IRGQ: variants seen among roughly 807,000 people sequenced by gnomAD.
IRGQ encodes immunity-related GTPase family Q protein.
IRGQ carries 5 observed loss-of-function variants against 10.5 expected under a neutral mutation model. The observed-to-expected ratio is 0.48, with a 90% CI of 0.25 to 1.00. IRGQ has a LOEUF of 1.00. Ranked by LOEUF, IRGQ falls within the 50% of genes least tolerant of loss-of-function variation. The pLI is 0.16. For missense variants in IRGQ, 792 were observed against 877.7 expected, an observed-to-expected ratio of 0.90 and a Z score of 1.23; for synonymous variants, 418 against 426.0, an observed-to-expected ratio of 0.98 and a Z score of 0.23.
intron 2 of IRGQ, among the ~76,000 whole-genome samples, chr19:43,594,412 G>T (rs1012927657): frequency 6.6e-6 from 1 of 152,186 alleles, no homozygotes; most frequent in African/African-American, 2.4e-5. Flanking sequence ...ATGCTGTTTT[G>T]CAGCCTGTAG....
intron 2 of IRGQ, among the ~76,000 whole-genome samples, chr19:43,594,363 G>A (rs1346540396): frequency 1.3e-5 from 2 of 152,252 alleles, no homozygotes; most frequent in Non-Finnish European, 2.9e-5. Flanking sequence ...GGCATGGCTT[G>A]AGGCCAAGAG....
rs1175360652 is a variant in IRGQ, at chr19:43,588,025, A to G, written c.*4001T>C. On this transcript the variant is annotated 3_prime_UTR_variant, in exon 3 of 3. Transcript: ENST00000422989. ...TTCCTTTTACTTGTCTAATGTGGCT[A>G]TTAGAAAACTTGGCTTACTCAGCAC... 1 of 152,124 alleles carries G rather than the reference A, an allele frequency of 6.6e-6. No homozygotes were observed. The highest frequency in any genetic ancestry group is 1.9e-4 in the East Asian group (1 of 5,176). 9.4% of individuals were successfully genotyped at this position (152,124 alleles called of 1,614,324 possible). A position where few individuals can be genotyped will look rare whatever the true frequency, so the allele number is the denominator to read the frequency against.
chr19:43,593,000 G>A lies in IRGQ; in HGVS notation c.898C>T (p.Leu300Phe), dbSNP rs1213348196. Residue 300 changes from leucine to phenylalanine, a missense_variant, in exon 3 of 3, where the codon CTC (leucine) becomes TTC (phenylalanine). Transcript: ENST00000422989. ...AASHPTHYDA[L>F]ILVTPGAPTE... ...GGGGCCCCAGGGGTGACGAGGATGA[G>A]GGCGTCGTAGTGCGTTGGGTGAGAG... The A allele has an allele frequency of 1.2e-6, 2 of 1,608,154 alleles. No homozygotes were observed. The highest frequency in any genetic ancestry group is 1.7e-6 in the Non-Finnish European group (2 of 1,178,860).
At position 43,592,238 on chromosome 19, in the gene IRGQ, C is replaced by G; in HGVS notation, c.1660G>C (p.Ala554Pro). 1.3e-6 allele frequency: 2 copies of G among 1,580,348 alleles called. No homozygotes were observed. The highest frequency in any genetic ancestry group is 8.5e-7 in the Non-Finnish European group (1 of 1,170,898). Residue 554 changes from alanine to proline, a missense_variant, in exon 3 of 3, where the codon GCC (alanine) becomes CCC (proline). Ala to Pro is a conservative substitution (Grantham distance 27). Transcript: ENST00000422989. ...GCGCCCAGTCTTGCTTCCACCTCGG[C>G]GCGCGTCACCGGGCCTGGGAAATGA... ...RAHFPGPVTR[A>P]EVEARLGAWA...
rs1973030586 is a variant in IRGQ, at chr19:43,589,429, A to G, written c.*2597T>C. On this transcript the variant is annotated 3_prime_UTR_variant, in exon 3 of 3. Coordinates refer to ENST00000422989, the MANE Select transcript of IRGQ (RefSeq NM_001007561.3). ...GCTACAAAGCAAGACCCCCGTCTCT[A>G]CAGAAAATTTGGTGCTGTGTACCTA... is the stretch of plus-strand genomic sequence containing the variant. The G allele has an allele frequency of 6.6e-6, 1 of 152,158 alleles. No individual in the cohort carries two copies. The highest frequency in any genetic ancestry group is 6.6e-5 in the Admixed American group (1 of 15,264). 9.4% of individuals were successfully genotyped at this position (152,158 alleles called of 1,614,324 possible).
At position 43,591,855 on chromosome 19, in the gene IRGQ, G is replaced by GAAA. The variant is rs10682090; in HGVS notation, c.*168_*170dup. On this transcript the variant is annotated 3_prime_UTR_variant, in exon 3 of 3. Coordinates refer to ENST00000422989, the MANE Select transcript of IRGQ (RefSeq NM_001007561.3). ...AAGAGACTTCGTCTCACAAAAAAAA[G>GAAA]AAAAAAAAAAAAAAAAATCAGGATT... The GAAA allele has an allele frequency of 0.052, 24,052 of 466,676 alleles. 48 individuals are homozygous for GAAA. The highest frequency in any genetic ancestry group is 0.07 in the Middle Eastern group (113 of 1,618). The allele number at this position is 466,676 out of a possible 1,614,324, so 28.9% of individuals were successfully genotyped here. A position where few individuals can be genotyped will look rare whatever the true frequency, so the allele number is the denominator to read the frequency against.
In IRGQ at chr19:43,593,189, G is replaced by A. The variant is rs113476402; in HGVS notation, c.709C>T (p.Leu237Phe). ...LAVAGKADVGLVVDMLLGLDP... is the reference protein window; with the variant it reads ...LAVAGKADVGFVVDMLLGLDP... The stretch of plus-strand genomic sequence containing the variant: ...AATCCAAGCAGCATGTCCACCACAA[G>A]GCCCACGTCAGCCTTGCCAGCCACG... The change falls in exon 3 of 3, where the codon CTT (leucine) becomes TTT (phenylalanine). Residue 237 changes from leucine to phenylalanine, a missense_variant. Physicochemically the swap from Leu to Phe is conservative, Grantham distance 22. Transcript: ENST00000422989. This position sits in a 1 kb window ranked among gnomAD's most constrained non-coding sequence, Gnocchi z 6.4. 18 of 1,566,578 alleles carry A rather than the reference G, an allele frequency of 1.1e-5. No homozygotes were observed. The African/African-American group carries it at 2.0e-4, about 18-fold the overall frequency.
At position 43,594,770 on chromosome 19, in the gene IRGQ, G is replaced by A. The variant is rs748848284; in HGVS notation, c.530+39C>T. ...CCATGGTCGCACCTAGGTGCCTAGG[G>A]TCTCGACTAACGGACCCAGCCAGAA... On this transcript the variant is annotated intron_variant, in intron 2 of 2. Transcript: ENST00000422989. The A allele has an allele frequency of 3.2e-6, 5 of 1,557,810 alleles. No homozygotes were observed. The Admixed American group carries it at 8.8e-5, about 28-fold the overall frequency.
At position 43,595,299 on chromosome 19, in the gene IRGQ, C is replaced by T. The variant is rs1234655468; in HGVS notation, c.40G>A (p.Gly14Arg). ...GCGGACTTCCCCAAGCCCGGAGGCC[C>T]CAGGAACAAGGCGGTCACGTCACCC... Reference protein sequence around the residue: ...PQGDVTALFLGPPGLGKSALI... With the variant: ...PQGDVTALFLRPPGLGKSALI... Residue 14 changes from glycine to arginine, a missense_variant, in exon 2 of 3, where the codon GGG (glycine) becomes AGG (arginine). Transcript: ENST00000422989. 15 of 1,586,244 alleles carry T rather than the reference C, an allele frequency of 9.5e-6. No individual in the cohort carries two copies. Among genetic ancestry groups the T allele is most frequent in the Non-Finnish European group, 1.2e-5 (14 of 1,166,272 alleles).
In IRGQ at chr19:43,590,435, C is replaced by A. The variant is rs970103583; in HGVS notation, c.*1591G>T. On this transcript the variant is annotated 3_prime_UTR_variant, in exon 3 of 3. Coordinates refer to ENST00000422989, the MANE Select transcript of IRGQ (RefSeq NM_001007561.3). ...GAATTCTGTAACCTGCAACTTTTCC[C>A]CCACATGTGGCTAGCAGCCTAGAAC... The A allele has an allele frequency of 1.3e-5, 2 of 152,232 alleles. No individual in the cohort carries two copies. Among genetic ancestry groups the A allele is most frequent in the Non-Finnish European group, 2.9e-5 (2 of 68,048 alleles). The allele number at this position is 152,232 out of a possible 1,614,324, so 9.4% of individuals were successfully genotyped here. A position where few individuals can be genotyped will look rare whatever the true frequency, so the allele number is the denominator to read the frequency against.
At position 43,592,514 on chromosome 19, in the gene IRGQ, A is replaced by G; in HGVS notation, c.1384T>C (p.Leu462=). ...GCAGCGCTGGGAGATGCTGGTGGCA[A>G]CGCCAGCAGCAGTGCCCCTGCCTGG... ...PAQAGALLLA[L]PPASPSAART... The change falls in exon 3 of 3, where the codon TTG becomes CTG. Residue 462 remains leucine (L), a synonymous_variant. Coordinates refer to ENST00000422989, the MANE Select transcript of IRGQ (RefSeq NM_001007561.3). 6.3e-7 allele frequency: 1 copy of G among 1,595,754 alleles called. No homozygotes were observed. Among genetic ancestry groups the G allele is most frequent in the South Asian group, 1.1e-5 (1 of 90,898 alleles).
chr19:43,592,477 G>A lies in IRGQ; in HGVS notation c.1421C>T (p.Ala474Val). The stretch of plus-strand genomic sequence containing the variant: ...CCACGCCCCGGCTCGCAACGCCGCA[G>A]CCTTGGTTCGGGCAGCGCTGGGAGA... ...PASPSAARTKAAALRAGAWRP... is the reference protein window; with the variant it reads ...PASPSAARTKVAALRAGAWRP... The change falls in exon 3 of 3, where the codon GCT (alanine) becomes GTT (valine). Residue 474 changes from alanine to valine, a missense_variant. By Grantham distance (64) the Ala-to-Val change is moderately conservative. Coordinates refer to ENST00000422989, the MANE Select transcript of IRGQ (RefSeq NM_001007561.3). 3 of 1,592,196 alleles carry A rather than the reference G, an allele frequency of 1.9e-6. No homozygotes were observed. The highest frequency in any genetic ancestry group is 2.5e-6 in the Non-Finnish European group (3 of 1,177,078).
Position 43,593,948 on chromosome 19 carries a change from T to A in IRGQ, c.531-581A>T, listed in dbSNP as rs1428268944. ...ATGACAGTGTACTGGGACAAGGGAC[T>A]GTCCCTCTCTGAGCCTCGTTTTAAA... On this transcript the variant is annotated intron_variant, in intron 2 of 2. Transcript: ENST00000422989. The surrounding 1 kb of genome is among the most constrained non-coding windows in gnomAD (Gnocchi z 6.4). Among the ~76,000 whole-genome samples, 1 of 152,212 alleles carries A rather than the reference T, an allele frequency of 6.6e-6. No individual in the cohort carries two copies. The highest frequency in any genetic ancestry group is 1.5e-5 in the Non-Finnish European group (1 of 68,038).
chr19:43,592,452 C>G lies in IRGQ; in HGVS notation c.1446G>C (p.Trp482Cys). 1 of 1,584,350 alleles carries G rather than the reference C, an allele frequency of 6.3e-7. No homozygotes were observed. Among genetic ancestry groups the G allele is most frequent in the Non-Finnish European group, 8.5e-7 (1 of 1,173,180 alleles). Residue 482 changes from tryptophan to cysteine, a missense_variant, in exon 3 of 3, where the codon TGG becomes TGC. Coordinates refer to ENST00000422989, the MANE Select transcript of IRGQ (RefSeq NM_001007561.3). Reference protein sequence around the residue: ...TKAAALRAGAWRPALLASLAA... With the variant: ...TKAAALRAGACRPALLASLAA... ...CCAGACTAGCCAGCAGAGCTGGCCT[C>G]CACGCCCCGGCTCGCAACGCCGCAG...
rs748048278 is a variant in IRGQ, at chr19:43,592,137, C to G, written c.1761G>C (p.Ala587=). The part of the protein sequence containing the change: ...LSFLWPAGGA[A]ATGGLGYRAA... ...CTCGGTAGCCCAGGCCACCTGTCGC[C>G]GCTGCACCACCCGCAGGCCACAGGA... is the stretch of plus-strand genomic sequence containing the variant. The change falls in exon 3 of 3, where the codon GCG becomes GCC. Residue 587 remains alanine (A), a synonymous_variant. Transcript: ENST00000422989. The G allele has an allele frequency of 3.7e-6, 6 of 1,610,870 alleles. No homozygotes were observed. Among genetic ancestry groups the G allele is most frequent in the Admixed American group, 3.3e-5 (2 of 59,974 alleles).
chr19:43,594,990 G>C lies in IRGQ; in HGVS notation c.349C>G (p.Arg117Gly), dbSNP rs1036484301. 24 of 1,613,712 alleles carry C rather than the reference G, an allele frequency of 1.5e-5. No individual in the cohort carries two copies. Among genetic ancestry groups the C allele is most frequent in the South Asian group, 7.7e-5 (7 of 91,094 alleles). The change falls in exon 2 of 3, where the codon CGT (arginine) becomes GGT (glycine). Residue 117 changes from arginine to glycine, a missense_variant. Transcript: ENST00000422989. The part of the protein sequence containing the change: ...GTPLLAVRNL[R>G]PGDSQTAAQA... Reference sequence around the variant, plus strand: ...GCGGCAGTCTGTGAATCCCCAGGACGGAGGTTCCGCACAGCCAGTAGCGGG... The same window carrying C: ...GCGGCAGTCTGTGAATCCCCAGGACCGAGGTTCCGCACAGCCAGTAGCGGG...
intron 1 of IRGQ, chr19:43,595,582 A>C: frequency 2.6e-6 from 1 of 379,624 alleles, no homozygotes; most frequent in East Asian, 4.0e-5. Flanking sequence ...AAAACTCTGA[A>C]ATCAGGCGCG....
chr19:43,593,383 G>A lies in IRGQ; in HGVS notation c.531-16C>T. ...TGGCAGGAGCCTGTGGGGACAAGAA[G>A]GGACAGGGTCAAAGGTAGAAGAGGG... is the stretch of plus-strand genomic sequence containing the variant. On this transcript the variant is annotated splice_polypyrimidine_tract_variant and intron_variant, in intron 2 of 2. Coordinates refer to ENST00000422989, the MANE Select transcript of IRGQ (RefSeq NM_001007561.3). The surrounding 1 kb of genome is among the most constrained non-coding windows in gnomAD (Gnocchi z 6.4). The A allele has an allele frequency of 1.3e-6, 2 of 1,503,450 alleles. No homozygotes were observed. Among genetic ancestry groups the A allele is most frequent in the Non-Finnish European group, 1.8e-6 (2 of 1,124,918 alleles). 93.1% of individuals were successfully genotyped at this position (1,503,450 alleles called of 1,614,324 possible).
chr19:43,593,175 C>G lies in IRGQ; in HGVS notation c.723G>C (p.Met241Ile). ...GKADVGLVVD[M>I]LLGLDPGDPG... ...GGTCGCCAGGATCCAATCCAAGCAGCATGTCCACCACAAGGCCCACGTCAG... is the reference window on the plus strand; with the variant it reads ...GGTCGCCAGGATCCAATCCAAGCAGGATGTCCACCACAAGGCCCACGTCAG... Residue 241 changes from methionine (M) to isoleucine (I), a missense_variant, in exon 3 of 3, where the codon ATG becomes ATC. By Grantham distance (10) the Met-to-Ile change is conservative. Coordinates refer to ENST00000422989, the MANE Select transcript of IRGQ (RefSeq NM_001007561.3). The surrounding 1 kb of genome is among the most constrained non-coding windows in gnomAD (Gnocchi z 6.4). The G allele has an allele frequency of 6.4e-7, 1 of 1,563,188 alleles. No homozygotes were observed. Among genetic ancestry groups the G allele is most frequent in the Middle Eastern group, 1.7e-4 (1 of 5,802 alleles).
Sources: allele counts gnomAD v4.1 joint callset (sites outside exome capture counted in the v4.1 genomes callset), GRCh38; gene constraint gnomAD v4.1.1; non-coding constraint Gnocchi (gnomAD v3.1); transcripts MANE v1.5; gene names NCBI Gene and HGNC (gene_info 2026-07-23, HGNC 2026-07-21).